PRKG1: variants seen among roughly 807,000 people sequenced by gnomAD.
The protein encoded by PRKG1 is protein kinase cGMP-dependent 1, also known as cGMP-dependent protein kinase 1.
In PRKG1, 35 loss-of-function variants were observed where a neutral mutation model predicts 88.1. The ratio of observed to expected loss-of-function variants is 0.40; its 90% confidence interval spans 0.30 to 0.53. The LOEUF (loss-of-function observed/expected upper bound fraction) is 0.53, where lower values mean the gene tolerates loss of function less well. Among genes scored for constraint, PRKG1 ranks in the 20% least tolerant of loss-of-function variants. The probability of loss-of-function intolerance (pLI) is 0.59; values close to 1 mark genes in which losing one functional copy is unlikely to be tolerated. For missense variants in PRKG1, 540 were observed against 839.8 expected (o/e 0.64, Z 4.41); for synonymous variants, 303 against 292.5 (o/e 1.04, Z -0.37).
chr10:52,032,117 A>C (rs1452055746), intron 5 of PRKG1, among the ~76,000 whole-genome samples: 6 of 152,206 alleles, frequency 3.9e-5, no homozygotes, highest in Non-Finnish European at 7.3e-5. Context: ...TTTGGGAATC[A>C]ATTTCTAATG....
chr10:51,405,564 C>T (rs1191560768), intron 2 of PRKG1, among the ~76,000 whole-genome samples: 4 of 152,168 alleles, frequency 2.6e-5, no homozygotes, highest in Non-Finnish European at 2.9e-5. Flanking sequence ...AAAACCATAT[C>T]GGAAATTTGA....
At chr10:51,707,451 G>A (rs1195649469) in intron 3 of PRKG1, among the ~76,000 whole-genome samples, 11 of 152,200 alleles carry the variant, frequency 7.2e-5, no homozygotes, top group Admixed American at 7.2e-4. Context: ...AATTAGACAA[G>A]AAGCAGAGCT....
chr10:52,081,482 T>C, intron 7 of PRKG1: 1 of 427,230 alleles, frequency 2.3e-6, no homozygotes. Flanking sequence ...TCACACCACC[T>C]AGCTAAAAAG....
chr10:52,088,063 T>G (rs1032526506), intron 7 of PRKG1, among the ~76,000 whole-genome samples: 3 of 152,080 alleles, frequency 2.0e-5, no homozygotes, highest in African/African-American at 7.2e-5. Context: ...AGTCAGAAAA[T>G]GTGCCATAAG....
chr10:51,906,300 A>G (rs1446087758), intron 4 of PRKG1, among the ~76,000 whole-genome samples: 1 of 152,162 alleles, frequency 6.6e-6, no homozygotes, highest in Non-Finnish European at 1.5e-5. Flanking sequence ...CAAACTCTGT[A>G]AAATATTTGA....
rs78721036 is a variant in PRKG1 at position 51,130,589 on chromosome 10, T to A, written c.312-22575T>A. Reference sequence around the variant, plus strand: ...CATCTACTTTTTTTTATTTTATTTTTTGTCATGCATCACCCACTCAATTTT... The same window carrying A: ...CATCTACTTTTTTTTATTTTATTTTATGTCATGCATCACCCACTCAATTTT... On this transcript the variant is annotated intron_variant, in intron 1 of 17. Transcript: ENST00000373980. 1.8e-3 allele frequency among the ~76,000 whole-genome samples: 279 copies of A among 152,082 alleles called. 4 individuals carry two copies. In the East Asian group the frequency reaches 0.037, roughly 20 times the overall value.
At chr10:50,993,401 G>A (rs1169268982) in intron 1 of PRKG1, among the ~76,000 whole-genome samples, 1 of 152,168 alleles carries the variant, frequency 6.6e-6, no homozygotes, top group Non-Finnish European at 1.5e-5. Context: ...TGGAACAGTG[G>A]CATTTTCCTT....
intron 1 of PRKG1, among the ~76,000 whole-genome samples, chr10:51,068,308 C>T (rs1032769170): frequency 2.6e-5 from 4 of 151,674 alleles, no homozygotes; most frequent in Non-Finnish European, 4.4e-5. Context: ...TATTTCCCTA[C>T]TATGTCTTTT....
chr10:51,995,927 C>T (rs1844427567), intron 5 of PRKG1, among the ~76,000 whole-genome samples: 1 of 151,896 alleles, frequency 6.6e-6, no homozygotes, highest in Admixed American at 6.6e-5. Context: ...GGATATGACC[C>T]CAAAAGCACA....
At chr10:52,205,597 G>T (rs1205524376) in intron 9 of PRKG1, among the ~76,000 whole-genome samples, 4 of 152,114 alleles carry the variant, frequency 2.6e-5, no homozygotes, top group African/African-American at 9.7e-5. Context: ...CTCTTGTAAG[G>T]CAGGTCTGCT....
At chr10:52,268,705 A>T (rs745450383) in intron 10 of PRKG1, among the ~76,000 whole-genome samples, 4 of 152,088 alleles carry the variant, frequency 2.6e-5, no homozygotes, top group African/African-American at 4.8e-5. Flanking sequence ...AAACCTGAAC[A>T]TGAATCCATT....
rs149484666 is a variant in PRKG1 at position 51,944,705 on chromosome 10, G to A, written c.762+37135G>A. Among the ~76,000 whole-genome samples, 748 of 152,016 alleles carry A rather than the reference G, an allele frequency of 4.9e-3. 9 individuals are homozygous for A. The highest frequency in any genetic ancestry group is 0.017 in the African/African-American group (694 of 41,356). ...ACATCTTTATTTCTGCCTTCATTTC[G>A]TTTTGTATCCAGCAGTCATTCAGGA... On this transcript the variant is annotated intron_variant, in intron 5 of 17. Transcript: ENST00000373980.
chr10:51,135,161 T>TGGATGGCTGAATCAGTGGA (rs1418012068), intron 1 of PRKG1, among the ~76,000 whole-genome samples: 2 of 152,164 alleles, frequency 1.3e-5, no homozygotes, highest in Admixed American at 6.5e-5. Flanking sequence ...CTAATTTGAA[T>TGGATGGCTGAATCAGTGGA]GGATGGCTGA....
chr10:51,658,397 G>C (rs1022088687), intron 3 of PRKG1, among the ~76,000 whole-genome samples: 1 of 152,064 alleles, frequency 6.6e-6, no homozygotes, highest in Non-Finnish European at 1.5e-5. Flanking sequence ...ACAGTGCTCT[G>C]AGGGTGGGAG....
intron 3 of PRKG1, among the ~76,000 whole-genome samples, chr10:51,524,381 A>G (rs1214691978): frequency 1.3e-5 from 2 of 152,204 alleles, no homozygotes; most frequent in Non-Finnish European, 2.9e-5. Context: ...TAAAAACTGT[A>G]GGTTTTGTAG....
In PRKG1 at chr10:52,263,379, TTC is replaced by T. The variant is rs940678294; in HGVS notation, c.1174-7963_1174-7962del. On this transcript the variant is annotated intron_variant, in intron 10 of 17. Transcript: ENST00000373980. ...AGTTGTAGATTCAAGGAATTACAAG[TTC>T]TCTCTCTTTTTAAAAATTCTTTAAC... 1.6e-4 allele frequency among the ~76,000 whole-genome samples: 24 copies of T among 151,962 alleles called. 1 individual carries two copies. Among genetic ancestry groups the T allele is most frequent in the African/African-American group, 5.5e-4 (23 of 41,464 alleles).
chr10:51,694,982 T>C (rs968966267), intron 3 of PRKG1, among the ~76,000 whole-genome samples: 5 of 152,212 alleles, frequency 3.3e-5, no homozygotes, highest in African/African-American at 1.2e-4. Context: ...ATAGTTGTTA[T>C]AGCTCATTTG....
At chr10:51,855,532 A>C (rs1384150180) in intron 4 of PRKG1, among the ~76,000 whole-genome samples, 2 of 152,210 alleles carry the variant, frequency 1.3e-5, no homozygotes, top group Non-Finnish European at 2.9e-5. Context: ...TGTCCAGCAC[A>C]ATCATTCTCT....
At chr10:51,780,641 A>G (rs1263019324) in intron 3 of PRKG1, among the ~76,000 whole-genome samples, 1 of 152,152 alleles carries the variant, frequency 6.6e-6, no homozygotes, top group Non-Finnish European at 1.5e-5. Flanking sequence ...CTGTGTTACC[A>G]GTTCCTCAAA....
Sources: allele counts gnomAD v4.1 joint callset (sites outside exome capture counted in the v4.1 genomes callset), GRCh38; gene constraint gnomAD v4.1.1; transcripts MANE v1.5; gene names NCBI Gene and HGNC (gene_info 2026-07-23, HGNC 2026-07-21).